Variants in ELOVL7 observed in about 807,000 individuals in gnomAD.
ELOVL7 encodes the protein ELOVL fatty acid elongase 7.
A neutral mutation model predicts 35.7 loss-of-function variants in ELOVL7; 27 were observed. The ratio of observed to expected loss-of-function variants is 0.76; its 90% CI spans 0.56 to 1.04. ELOVL7 has a LOEUF of 1.04. Ranked by LOEUF, ELOVL7 falls within the 50% of genes least tolerant of loss-of-function variation. ELOVL7 has a pLI of 0.00. For synonymous variants in ELOVL7, 113 were observed against 114.6 expected (o/e 0.99, Z 0.09); for missense variants, 327 against 340.8 (o/e 0.96, Z 0.32).
In ELOVL7 at chr5:60,771,948, C is replaced by T. The variant is rs373897782; in HGVS notation, c.210G>A (p.Thr70=). The part of the protein sequence containing the change: ...KPFELKKAMI[T]YNFFIVLFSV... ...AAAAGAGTACTATGAAAAAATTGTA[C>T]GTTATCATTGCTTTCTTGAGTTCAA... Residue 70 remains threonine (T), a synonymous_variant, in exon 4 of 9, where the codon ACG becomes ACA. Transcript: ENST00000508821. 2.3e-5 allele frequency: 37 copies of T among 1,613,618 alleles called. No homozygotes were observed. The highest frequency in any genetic ancestry group is 6.7e-5 in the East Asian group (3 of 44,856).
At chr5:60,837,121 T>C (rs554646958) in intron 1 of ELOVL7, among the ~76,000 whole-genome samples, 23 of 151,670 alleles carry the variant, frequency 1.5e-4, no homozygotes, top group African/African-American at 5.6e-4. Context: ...AAAGGATTCA[T>C]TAGAAAATAC....
chr5:60,783,993 T>C, intron 3 of ELOVL7: 1 of 672,692 alleles, frequency 1.5e-6, no homozygotes. Context: ...TGACAGTCTA[T>C]ACCCCAATGA....
intron 2 of ELOVL7, among the ~76,000 whole-genome samples, chr5:60,798,972 T>C (rs1177350112): frequency 6.6e-6 from 1 of 152,196 alleles, no homozygotes; most frequent in Non-Finnish European, 1.5e-5. Context: ...AAACAAGTTT[T>C]ACCAAATTTA....
intron 3 of ELOVL7, among the ~76,000 whole-genome samples, chr5:60,782,065 T>G (rs1012329561): frequency 1.3e-5 from 2 of 152,308 alleles, no homozygotes; most frequent in East Asian, 1.9e-4. Flanking sequence ...ACGGTTTCTA[T>G]GCATCCATTT....
intron 1 of ELOVL7, chr5:60,802,686 A>G (rs1744715123): frequency 6.6e-6 from 1 of 152,226 alleles, no homozygotes; most frequent in Non-Finnish European, 1.5e-5. Context: ...GAAAATCACT[A>G]CTATATCTTA....
chr5:60,808,323 G>C (rs901553589), intron 1 of ELOVL7, among the ~76,000 whole-genome samples: 1 of 152,116 alleles, frequency 6.6e-6, no homozygotes, highest in East Asian at 1.9e-4. Context: ...ATTTCCTACT[G>C]ACTTTATAGA....
At chr5:60,830,114 C>G (rs1042112071) in intron 1 of ELOVL7, among the ~76,000 whole-genome samples, 2 of 152,146 alleles carry the variant, frequency 1.3e-5, no homozygotes, top group African/African-American at 4.8e-5. Context: ...GCTCCTGAGA[C>G]TCAAACAGTA....
chr5:60,788,073 G>A (rs575074962), intron 2 of ELOVL7, among the ~76,000 whole-genome samples: 3 of 152,254 alleles, frequency 2.0e-5, no homozygotes, highest in East Asian at 3.9e-4. Flanking sequence ...TTATAAATCT[G>A]CAATAATTAA....
rs150450495 is a variant in ELOVL7 at position 60,756,164 on chromosome 5, C to A, written c.637-1331G>T. On this transcript the variant is annotated intron_variant, in intron 8 of 8. Transcript: ENST00000508821. ...TTTGAGAATATGATGAAAAAATGTC[C>A]ATCCTATTCTTTCTACATCAGTATT... Among the ~76,000 whole-genome samples the A allele has an allele frequency of 3.4e-3, 520 of 152,034 alleles. 4 individuals are homozygous for A. The highest frequency in any genetic ancestry group is 0.012 in the African/African-American group (490 of 41,444).
chr5:60,798,550 T>TA (rs1016913270), intron 2 of ELOVL7, among the ~76,000 whole-genome samples: 2 of 151,936 alleles, frequency 1.3e-5, no homozygotes, highest in South Asian at 2.1e-4. Flanking sequence ...AATAAAGCTG[T>TA]AAAAAAAATT....
chr5:60,807,039 C>T (rs919105922), intron 1 of ELOVL7, among the ~76,000 whole-genome samples: 6 of 152,198 alleles, frequency 3.9e-5, no homozygotes, highest in Non-Finnish European at 5.9e-5. Context: ...ATCTACAACA[C>T]GGCAGGGTTC....
chr5:60,803,768 T>C (rs1220497978), intron 1 of ELOVL7, among the ~76,000 whole-genome samples: 2 of 152,208 alleles, frequency 1.3e-5, no homozygotes, highest in African/African-American at 2.4e-5. Context: ...TAATAGAACA[T>C]ATTACCACAT....
intron 1 of ELOVL7, among the ~76,000 whole-genome samples, chr5:60,806,446 T>G (rs1210417141): frequency 6.6e-6 from 1 of 151,920 alleles, no homozygotes; most frequent in Admixed American, 6.6e-5. Flanking sequence ...TGAGAAATAA[T>G]ATAGAAGGAG....
intron 3 of ELOVL7, among the ~76,000 whole-genome samples, chr5:60,784,591 G>T (rs2409824): frequency 0.19 from 28,247 of 152,098 alleles, 4,665 homozygotes; most frequent in African/African-American, 0.44. Context: ...ATATCAGTAA[G>T]TTTCCTTACG....
chr5:60,827,572 T>C (rs1746242818), intron 1 of ELOVL7, among the ~76,000 whole-genome samples: 1 of 152,226 alleles, frequency 6.6e-6, no homozygotes, highest in Non-Finnish European at 1.5e-5. Context: ...AAAGAAATCC[T>C]GGTTATTCTG....
At chr5:60,784,234 T>C in intron 3 of ELOVL7, 6 of 895,454 alleles carry the variant, frequency 6.7e-6, no homozygotes, top group Non-Finnish European at 9.8e-6. Flanking sequence ...AGCAAACATG[T>C]ACCTTAAGTA....
intron 2 of ELOVL7, among the ~76,000 whole-genome samples, chr5:60,797,606 C>T (rs1490209068): frequency 6.6e-6 from 1 of 152,162 alleles, no homozygotes. Context: ...GTAATAAGCC[C>T]TGAGGAAGTG....
intron 2 of ELOVL7, among the ~76,000 whole-genome samples, chr5:60,791,163 G>C (rs1478811891): frequency 6.6e-6 from 1 of 152,054 alleles, no homozygotes; most frequent in Non-Finnish European, 1.5e-5. Flanking sequence ...TTTTTGTAGA[G>C]ATGGATTTCA....
intron 1 of ELOVL7, among the ~76,000 whole-genome samples, chr5:60,842,494 C>CT (rs931028852): frequency 2.7e-5 from 3 of 110,336 alleles, no homozygotes; most frequent in African/African-American, 9.3e-5. Flanking sequence ...ATCTATTTTT[C>CT]TTAAAAAAAA....
Sources: allele counts gnomAD v4.1 joint callset (sites outside exome capture counted in the v4.1 genomes callset), GRCh38; gene constraint gnomAD v4.1.1; transcripts MANE v1.5; gene names NCBI Gene and HGNC (gene_info 2026-07-23, HGNC 2026-07-21).